DDX23: variants seen among roughly 807,000 people sequenced by gnomAD.
The protein encoded by DDX23 is probable ATP-dependent RNA helicase DDX23.
DDX23 carries 33 observed loss-of-function variants against 102.7 expected under a neutral mutation model. That is an observed-to-expected ratio of 0.32 (90% CI 0.24 to 0.43). DDX23 has a LOEUF of 0.43. DDX23 is among the 20% of genes least tolerant of loss of function. The pLI is 1.00. For missense variants in DDX23, 549 were observed against 1,086.6 expected, an observed-to-expected ratio of 0.51 and a Z score of 6.96; for synonymous variants, 352 against 376.0, an observed-to-expected ratio of 0.94 and a Z score of 0.74.
intron 11 of DDX23, among the ~76,000 whole-genome samples, chr12:48,835,530 A>C (rs1170385431): frequency 6.6e-6 from 1 of 152,060 alleles, no homozygotes; most frequent in Non-Finnish European, 1.5e-5. Context: ...ACCAACATTG[A>C]GACCCCGTCT....
In DDX23 at chr12:48,836,547, G is replaced by C. The variant is rs1938469601; in HGVS notation, c.1236+22C>G. 19 of 1,604,130 alleles carry C rather than the reference G, an allele frequency of 1.2e-5. No homozygotes were observed. The highest frequency in any genetic ancestry group is 1.5e-5 in the Non-Finnish European group (18 of 1,172,744). On this transcript the variant is annotated intron_variant, in intron 10 of 16. Transcript: ENST00000308025. The surrounding 1 kb of genome is among the most constrained non-coding windows in gnomAD (Gnocchi z 6.1). ...AGTGTAGGAACATGTCAGATCTCTT[G>C]GGCCAATCTATCCCTCCTTACCTTG... is the stretch of plus-strand genomic sequence containing the variant.
At chr12:48,842,588 A>G in intron 3 of DDX23, among the ~76,000 whole-genome samples, 1 of 147,148 alleles carries the variant, frequency 6.8e-6, no homozygotes, top group Non-Finnish European at 1.5e-5. Context: ...CCCGTCCAGG[A>G]GGTGAGGGGC....
intron 11 of DDX23, 30 bp from the exon 12 acceptor site, chr12:48,834,527 G>T: frequency 6.3e-7 from 1 of 1,599,592 alleles, no homozygotes; most frequent in South Asian, 1.1e-5. Flanking sequence ...CCACAGCTTC[G>T]TGAGCTTTGG....
chr12:48,834,824 C>T, intron 11 of DDX23: 1 of 213,344 alleles, frequency 4.7e-6, no homozygotes, highest in Non-Finnish European at 9.5e-6. Context: ...ATACCAGCTA[C>T]TCGGGAGGCT....
At chr12:48,834,087 T>G (rs1374949686) in intron 12 of DDX23, among the ~76,000 whole-genome samples, 1 of 152,170 alleles carries the variant, frequency 6.6e-6, no homozygotes, top group Non-Finnish European at 1.5e-5. Context: ...CTCAGCTTGA[T>G]CTATAACAAG....
Position 48,848,997 on chromosome 12 carries a change from G to A in DDX23, c.-1+3087C>T, listed in dbSNP as rs1390220003. On this transcript the variant is annotated intron_variant, in intron 1 of 16. Coordinates refer to ENST00000308025, the MANE Select transcript of DDX23 (RefSeq NM_004818.3). ...TCAAACTCCTGACCTCAGGTGATCCGCCCTGAGTGCCCAAAGTGCTGGGAT... is the reference window on the plus strand; with the variant it reads ...TCAAACTCCTGACCTCAGGTGATCCACCCTGAGTGCCCAAAGTGCTGGGAT... 9.9e-5 allele frequency among the ~76,000 whole-genome samples: 15 copies of A among 151,984 alleles called. No homozygotes were observed. The East Asian group carries it at 1.8e-3, about 18-fold the overall frequency.
chr12:48,851,847 A>G (rs11168758), intron 1 of DDX23, among the ~76,000 whole-genome samples: 31,013 of 152,254 alleles, frequency 0.2, 3,756 homozygotes, highest in Middle Eastern at 0.3. Context: ...CGCTGTGCCC[A>G]TAGGCAGAGT....
At chr12:48,850,431 G>A (rs949981087) in intron 1 of DDX23, among the ~76,000 whole-genome samples, 9 of 152,330 alleles carry the variant, frequency 5.9e-5, no homozygotes, top group South Asian at 2.1e-4. Context: ...GAGAATATCT[G>A]TGGAGATTCC....
In DDX23 at chr12:48,837,567, A is replaced by C; in HGVS notation, c.710T>G (p.Ile237Ser). 2 of 1,614,060 alleles carry C rather than the reference A, an allele frequency of 1.2e-6. No individual in the cohort carries two copies. The highest frequency in any genetic ancestry group is 2.2e-5 in the East Asian group (1 of 44,870). The change falls in exon 7 of 17, where the codon ATC (isoleucine) becomes AGC (serine). Residue 237 changes from isoleucine (I) to serine (S), a missense_variant. Coordinates refer to ENST00000308025, the MANE Select transcript of DDX23 (RefSeq NM_004818.3). Reference protein sequence around the residue: ...GNEDEEGRQKIREEKDKSKEL... With the variant: ...GNEDEEGRQKSREEKDKSKEL... ...CTTGCTCTTATCCTTCTCTTCCCGG[A>C]TCTTCTGCCGCCCTTCCTCATCCTC...
chr12:48,839,886 C>T lies in DDX23; in HGVS notation c.438G>A (p.Glu146=). Residue 146 remains glutamate (E), a synonymous_variant, in exon 5 of 17, where the codon GAG becomes GAA. Coordinates refer to ENST00000308025, the MANE Select transcript of DDX23 (RefSeq NM_004818.3). Reference sequence around the variant, plus strand: ...CCTCAGCCTTTTTCTTGGCCAGAAGCTCCTCCAGGGATAATGGCTGGGCCT... The same window carrying T: ...CCTCAGCCTTTTTCTTGGCCAGAAGTTCCTCCAGGGATAATGGCTGGGCCT... The part of the protein sequence containing the change: ...KPKAQPLSLE[E]LLAKKKAEEE... The T allele has an allele frequency of 6.2e-7, 1 of 1,614,192 alleles. No individual in the cohort carries two copies. Among genetic ancestry groups the T allele is most frequent in the Non-Finnish European group, 8.5e-7 (1 of 1,180,034 alleles).
In DDX23 at chr12:48,832,330, G is replaced by C. The variant is rs2137480765; in HGVS notation, c.1955+92C>G. 5 of 1,567,456 alleles carry C rather than the reference G, an allele frequency of 3.2e-6. No homozygotes were observed. The East Asian group carries it at 1.1e-4, about 35-fold the overall frequency. ...AAAACAGCAGCTCTTCAACACAGCAGAGCAATTGCCCTGCCCTGCACCTGC... is the reference window on the plus strand; with the variant it reads ...AAAACAGCAGCTCTTCAACACAGCACAGCAATTGCCCTGCCCTGCACCTGC... On this transcript the variant is annotated intron_variant, in intron 14 of 16. Coordinates refer to ENST00000308025, the MANE Select transcript of DDX23 (RefSeq NM_004818.3). The surrounding 1 kb of genome is among the most constrained non-coding windows in gnomAD (Gnocchi z 4.4).
chr12:48,837,778 G>A, intron 6 of DDX23, 121 bp from the exon 7 acceptor site: 1 of 1,532,686 alleles, frequency 6.5e-7, no homozygotes, highest in Non-Finnish European at 8.8e-7. Flanking sequence ...TATGATATGG[G>A]GTAAATGGAG....
rs1204417670 is a variant in DDX23 at position 48,840,973 on chromosome 12, C to T, written c.321-867G>A. 2.6e-5 allele frequency among the ~76,000 whole-genome samples: 4 copies of T among 152,180 alleles called. No homozygotes were observed. In the South Asian group the frequency reaches 8.3e-4, roughly 31 times the overall value. On this transcript the variant is annotated intron_variant, in intron 3 of 16. Transcript: ENST00000308025. ...TTCCTATCAATCCCAACAATCCTTTCCCCATACCTGCTCTAAGCTTAATCT... is the reference window on the plus strand; with the variant it reads ...TTCCTATCAATCCCAACAATCCTTTTCCCATACCTGCTCTAAGCTTAATCT...
intron 3 of DDX23, among the ~76,000 whole-genome samples, chr12:48,840,903 C>G (rs755127304): frequency 5.3e-5 from 8 of 152,092 alleles, no homozygotes; most frequent in Non-Finnish European, 1.0e-4. Context: ...GCCACCACCA[C>G]AAGCCAAGAA....
chr12:48,831,753 C>G, intron 15 of DDX23: 1 of 452,726 alleles, frequency 2.2e-6, no homozygotes, highest in Admixed American at 3.7e-5. Flanking sequence ...CACCTCCTCT[C>G]AACGTACCTA....
At position 48,836,368 on chromosome 12, in the gene DDX23, C is replaced by T; in HGVS notation, c.1237-102G>A. 1 of 1,419,374 alleles carries T rather than the reference C, an allele frequency of 7.0e-7. No individual in the cohort carries two copies. 87.9% of individuals were successfully genotyped at this position (1,419,374 alleles called of 1,614,324 possible). ...CATCTGCTAGCACAATGGAAGGATG[C>T]CAAGTACAGTTCACAGAAATAGGGA... is the stretch of plus-strand genomic sequence containing the variant. On this transcript the variant is annotated intron_variant, in intron 10 of 16. Coordinates refer to ENST00000308025, the MANE Select transcript of DDX23 (RefSeq NM_004818.3). The surrounding 1 kb of genome is among the most constrained non-coding windows in gnomAD (Gnocchi z 6.1).
rs373170147 is a variant in DDX23 at position 48,837,610 on chromosome 12, G to A, written c.667C>T (p.Arg223Trp). Residue 223 changes from arginine (R) to tryptophan (W), a missense_variant, in exon 7 of 17, where the codon CGG becomes TGG. Arg to Trp is a moderately radical substitution (Grantham distance 101). Transcript: ENST00000308025. ...TCATCCTCATTTCCATTGGTCTCCC[G>A]TTCCATCCTCTCCCTGCGTTCCCGA... ...ERRERRERMERETNGNEDEEG... is the reference protein window; with the variant it reads ...ERRERRERMEWETNGNEDEEG... The A allele has an allele frequency of 2.9e-5, 47 of 1,613,794 alleles. No homozygotes were observed. Among genetic ancestry groups the A allele is most frequent in the South Asian group, 4.4e-5 (4 of 91,082 alleles).
chr12:48,844,060 C>T lies in DDX23; in HGVS notation c.210-10G>A. On this transcript the variant is annotated splice_polypyrimidine_tract_variant and intron_variant, in intron 2 of 16. Transcript: ENST00000308025. ...TTTGTGCCGTCGTTCTCTGGAAGAC[C>T]GCAAATTTAAGAGTTCACTTGGTAT... The T allele has an allele frequency of 6.2e-7, 1 of 1,613,698 alleles. No homozygotes were observed. The highest frequency in any genetic ancestry group is 8.5e-7 in the Non-Finnish European group (1 of 1,179,712).
chr12:48,848,289 AACAAAACAAAAC>A (rs1340583203), intron 1 of DDX23, among the ~76,000 whole-genome samples: 4 of 150,684 alleles, frequency 2.7e-5, no homozygotes, highest in Non-Finnish European at 4.5e-5. Context: ...CCGTCTCAAA[AACAAAACAAAAC>A]AAAAAACAAA....
Sources: gnomAD v4.1 joint callset for allele counts (sites outside exome capture counted in the v4.1 genomes callset) on GRCh38, gnomAD v4.1.1 for gene constraint, Gnocchi (gnomAD v3.1) non-coding constraint, MANE v1.5 for transcripts, NCBI Gene and HGNC (gene_info 2026-07-23, HGNC 2026-07-21) for gene names.